Variants in NPAS3 observed in about 807,000 individuals in gnomAD.
NPAS3 encodes neuronal PAS domain protein 3.
NPAS3 carries 14 observed loss-of-function variants against 73.1 expected under a neutral mutation model. That is an observed-to-expected ratio of 0.19 (90% CI 0.13 to 0.30). NPAS3 has a LOEUF of 0.30. NPAS3 is among the 10% of genes least tolerant of loss of function. The probability of loss-of-function intolerance (pLI) is 1.00; values close to 1 mark genes in which losing one functional copy is unlikely to be tolerated. For synonymous variants in NPAS3, 620 were observed against 541.5 expected (o/e 1.14, Z -2.01); for missense variants, 1,096 against 1,250.0 (o/e 0.88, Z 1.86).
At chr14:33,643,258 T>C (rs2058724363) in intron 5 of NPAS3, among the ~76,000 whole-genome samples, 1 of 151,848 alleles carries the variant, frequency 6.6e-6, no homozygotes, top group Non-Finnish European at 1.5e-5. Flanking sequence ...TCAGGAATAG[T>C]TGTCAACTTA....
At chr14:32,975,974 C>T (rs2037658709) in intron 1 of NPAS3, among the ~76,000 whole-genome samples, 1 of 151,898 alleles carries the variant, frequency 6.6e-6, no homozygotes. Flanking sequence ...CCTCTGGCCT[C>T]CTTGGGGACC....
intron 2 of NPAS3, among the ~76,000 whole-genome samples, chr14:33,066,336 G>A (rs2041278848): frequency 6.6e-6 from 1 of 152,090 alleles, no homozygotes; most frequent in Non-Finnish European, 1.5e-5. Context: ...TAAAATTCAT[G>A]GTCAATACAT....
chr14:33,308,510 T>TTTTATA lies in NPAS3; in HGVS notation c.386-58675_386-58674insTTATAT, dbSNP rs374327824. Among the ~76,000 whole-genome samples the TTTTATA allele has an allele frequency of 6.0e-5, 5 of 83,524 alleles. No individual in the cohort carries two copies. The East Asian group carries it at 1.4e-3, about 23-fold the overall frequency. 54.8% of individuals were successfully genotyped at this position (83,524 alleles called of 152,430 possible). A position where few individuals can be genotyped will look rare whatever the true frequency, so the allele number is the denominator to read the frequency against. On this transcript the variant is annotated intron_variant, in intron 3 of 11. Transcript: ENST00000356141. The stretch of plus-strand genomic sequence containing the variant: ...TTTTCTAAAGGGACTATTGCATAGT[T>TTTTATA]TATATATATATATATATACATACAC...
intron 4 of NPAS3, among the ~76,000 whole-genome samples, chr14:33,431,140 C>T (rs1379783259): frequency 2.0e-5 from 3 of 152,214 alleles, no homozygotes; most frequent in Admixed American, 6.5e-5. Context: ...GAGATGATAC[C>T]GTGTTGGTTG....
chr14:33,043,335 C>G (rs904917626), intron 1 of NPAS3, among the ~76,000 whole-genome samples: 1 of 152,064 alleles, frequency 6.6e-6, no homozygotes, highest in African/African-American at 2.4e-5. Flanking sequence ...ATTAAATTCT[C>G]CTTAGTAGTA....
chr14:33,708,765 C>T (rs186289266), intron 6 of NPAS3, among the ~76,000 whole-genome samples: 345 of 152,214 alleles, frequency 2.3e-3, no homozygotes, highest in Non-Finnish European at 3.7e-3. Context: ...AAAATTCAGT[C>T]GAAGCAGGCA....
chr14:33,087,152 A>G (rs994980897), intron 2 of NPAS3, among the ~76,000 whole-genome samples: 2 of 100,216 alleles, frequency 2.0e-5, no homozygotes, highest in Non-Finnish European at 3.8e-5. Context: ...AATATAGTAT[A>G]CAATATAATA....
chr14:33,316,692 A>C (rs1279482177), intron 3 of NPAS3, among the ~76,000 whole-genome samples: 1 of 152,058 alleles, frequency 6.6e-6, no homozygotes, highest in Non-Finnish European at 1.5e-5. Context: ...CACTAGAAAA[A>C]AGTTGCAGGC....
intron 4 of NPAS3, among the ~76,000 whole-genome samples, chr14:33,432,347 CTTA>C (rs1464234860): frequency 6.6e-6 from 1 of 152,194 alleles, no homozygotes; most frequent in African/African-American, 2.4e-5. Flanking sequence ...CTTGTGAGGA[CTTA>C]TTAGTTGGTT....
intron 4 of NPAS3, among the ~76,000 whole-genome samples, chr14:33,382,208 C>T (rs11851892): frequency 0.16 from 24,462 of 151,960 alleles, 2,109 homozygotes; most frequent in South Asian, 0.22. Context: ...TTTTCTCCTG[C>T]TGAAAAATAA....
At chr14:33,273,080 G>A (rs1331962609) in intron 3 of NPAS3, among the ~76,000 whole-genome samples, 1 of 152,106 alleles carries the variant, frequency 6.6e-6, no homozygotes. Context: ...ATGTGTTTGT[G>A]CCATTGACTT....
chr14:33,519,311 A>G (rs747774315), intron 4 of NPAS3, among the ~76,000 whole-genome samples: 2 of 151,966 alleles, frequency 1.3e-5, no homozygotes, highest in African/African-American at 4.8e-5. Flanking sequence ...GCTTTGTCTG[A>G]TTGTTTCCTA....
chr14:33,115,627 A>G (rs2043037651), intron 2 of NPAS3, among the ~76,000 whole-genome samples: 1 of 152,308 alleles, frequency 6.6e-6, no homozygotes, highest in Non-Finnish European at 1.5e-5. Context: ...AACTATTTAG[A>G]TAGAAATCAT....
rs538240656 is a variant in NPAS3 at position 33,234,279 on chromosome 14, T to C, written c.385+18853T>C. On this transcript the variant is annotated intron_variant, in intron 3 of 11. Coordinates refer to ENST00000356141, the Ensembl canonical transcript of NPAS3. Reference sequence around the variant, plus strand: ...TTATAAACATTTTCTCTGGAATCTTTCTAGCATCCTTATCTAAATCAGCCT... The same window carrying C: ...TTATAAACATTTTCTCTGGAATCTTCCTAGCATCCTTATCTAAATCAGCCT... Among the ~76,000 whole-genome samples, 7 of 152,268 alleles carry C rather than the reference T, an allele frequency of 4.6e-5. No homozygotes were observed. In the East Asian group the frequency reaches 1.4e-3, roughly 29 times the overall value.
intron 2 of NPAS3, among the ~76,000 whole-genome samples, chr14:33,124,418 A>G (rs1410918819): frequency 6.6e-6 from 1 of 152,124 alleles, no homozygotes. Context: ...AAGTTACACC[A>G]TCACTCTGTG....
At chr14:33,746,170 AT>A (rs199850629) in intron 7 of NPAS3, among the ~76,000 whole-genome samples, 2,447 of 140,308 alleles carry the variant, frequency 0.017, 33 homozygotes, top group Middle Eastern at 0.047. Context: ...TTTTTATTTT[AT>A]TTTATTTATT....
intron 4 of NPAS3, among the ~76,000 whole-genome samples, chr14:33,435,964 C>T (rs973588114): frequency 2.6e-5 from 4 of 152,130 alleles, no homozygotes; most frequent in African/African-American, 9.7e-5. Flanking sequence ...AATAAAGGGC[C>T]ACTGTGTCTG....
intron 9 of NPAS3, 102 bp from the exon 10 acceptor site, chr14:33,793,794 TC>T: frequency 1.8e-6 from 2 of 1,086,002 alleles, no homozygotes; most frequent in Non-Finnish European, 2.6e-6. Context: ...TTGGTGTAGG[TC>T]CTCCCATTTT....
chr14:33,536,070 C>T (rs2054248641), intron 4 of NPAS3, among the ~76,000 whole-genome samples: 1 of 152,136 alleles, frequency 6.6e-6, no homozygotes. Flanking sequence ...GCTGAGCTAA[C>T]CCCTACTAGT....
Sources: gnomAD v4.1 joint callset for allele counts (sites outside exome capture counted in the v4.1 genomes callset) on GRCh38, gnomAD v4.1.1 for gene constraint, MANE v1.5 for transcripts, NCBI Gene and HGNC (gene_info 2026-07-23, HGNC 2026-07-21) for gene names.